Variants in ADGRV1 observed in about 807,000 individuals in gnomAD.
ADGRV1 encodes adhesion G protein-coupled receptor V1, also known as G-protein coupled receptor 98.
A neutral mutation model predicts 596.2 loss-of-function variants in ADGRV1; 359 were observed. The ratio of observed to expected loss-of-function variants is 0.60; its 90% CI spans 0.55 to 0.66. The LOEUF is 0.66. Among genes scored for constraint, ADGRV1 ranks in the 30% least tolerant of loss-of-function variants. The pLI, the probability that ADGRV1 is intolerant of heterozygous loss-of-function variation, is 0.00. For synonymous variants in ADGRV1, 2,681 were observed against 2,679.2 expected, an observed-to-expected ratio of 1.00 and a Z score of -0.02; for missense variants, 7,274 against 7,575.6, an observed-to-expected ratio of 0.96 and a Z score of 1.48.
intron 83 of ADGRV1, among the ~76,000 whole-genome samples, chr5:90,957,137 T>G (rs1777552765): frequency 6.6e-6 from 1 of 152,148 alleles, no homozygotes; most frequent in Non-Finnish European, 1.5e-5. Context: ...CTAAGCATAA[T>G]TAAGCAGGAA....
chr5:90,728,852 C>T lies in ADGRV1; in HGVS notation c.10345C>T (p.Pro3449Ser). 1 of 1,613,576 alleles carries T rather than the reference C, an allele frequency of 6.2e-7. No homozygotes were observed. ...TGGGTTTATTAACTTTCAAGAGGTG[C>T]CTGTCAGTGGGACAACAGAAGTTGA... The part of the protein sequence containing the change: ...GSGFINFQEV[P>S]VSGTTEVEAL... Residue 3449 changes from proline (P) to serine (S), a missense_variant, in exon 49 of 90, where the codon CCT becomes TCT. This residue lies in a region of ADGRV1 where 3,643 missense variants were observed against 3,809.2 expected (regional missense o/e 0.96). Transcript: ENST00000405460.
At chr5:90,974,147 G>A (rs1382922958) in intron 84 of ADGRV1, among the ~76,000 whole-genome samples, 4 of 152,224 alleles carry the variant, frequency 2.6e-5, no homozygotes, top group Non-Finnish European at 4.4e-5. Context: ...TACAAGGGAC[G>A]TGAAGGACCT....
At chr5:90,656,739 C>T (rs548034851) in intron 20 of ADGRV1, among the ~76,000 whole-genome samples, 10 of 152,090 alleles carry the variant, frequency 6.6e-5, no homozygotes, top group Non-Finnish European at 1.3e-4. Context: ...AGAAATATTG[C>T]TTGTACTTTT....
At position 90,628,810 on chromosome 5, in the gene ADGRV1, C is replaced by T. The variant is rs755092804; in HGVS notation, c.1487C>T (p.Ala496Val). ...CTGCCTCATACAATACGAGGAGGTG[C>T]AGAAGTGAGCGAGCCAGCGGAGGTA... ...QILPHTIRGG[A>V]EVSEPAELLF... The change falls in exon 8 of 90, where the codon GCA becomes GTA. Residue 496 changes from alanine to valine, a missense_variant. This residue lies in a region of ADGRV1 where 1,715 missense variants were observed against 1,708.8 expected (regional missense o/e 1.00). Transcript: ENST00000405460. 1.2e-6 allele frequency: 2 copies of T among 1,613,932 alleles called. No individual in the cohort carries two copies. The highest frequency in any genetic ancestry group is 2.2e-5 in the East Asian group (1 of 44,880).
At chr5:90,930,129 T>TA (rs569783013) in intron 83 of ADGRV1, among the ~76,000 whole-genome samples, 73 of 152,100 alleles carry the variant, frequency 4.8e-4, no homozygotes, top group East Asian at 7.7e-4. Flanking sequence ...AAATCTTTGG[T>TA]AAAAAAAATA....
At chr5:90,806,556 CA>C (rs1761920482) in intron 72 of ADGRV1, among the ~76,000 whole-genome samples, 1 of 152,026 alleles carries the variant, frequency 6.6e-6, no homozygotes, top group African/African-American at 2.4e-5. Context: ...AGGGTGTTTG[CA>C]AAAATTTTTT....
chr5:90,992,001 CT>C, intron 85 of ADGRV1, among the ~76,000 whole-genome samples: 1 of 152,368 alleles, frequency 6.6e-6, no homozygotes, highest in Admixed American at 6.5e-5. Flanking sequence ...GGATATATTA[CT>C]GCCTGTGGGT....
At chr5:90,595,709 G>C (rs1390871779) in intron 1 of ADGRV1, among the ~76,000 whole-genome samples, 1 of 131,304 alleles carries the variant, frequency 7.6e-6, no homozygotes, top group Non-Finnish European at 1.6e-5. Flanking sequence ...CCAGGCAGAG[G>C]GGCTCCTCAC....
chr5:90,615,821 G>A (rs565573420), intron 2 of ADGRV1, among the ~76,000 whole-genome samples: 1 of 151,836 alleles, frequency 6.6e-6, no homozygotes, highest in African/African-American at 2.4e-5. Flanking sequence ...ATAAAATTTT[G>A]ATTGAATCCT....
intron 52 of ADGRV1, among the ~76,000 whole-genome samples, chr5:90,747,261 CAAG>C (rs1191548706): frequency 2.6e-5 from 4 of 152,022 alleles, no homozygotes; most frequent in Non-Finnish European, 5.9e-5. Flanking sequence ...TCTGGAGCAA[CAAG>C]GAGGCCACTG....
chr5:90,591,866 T>C (rs168743), intron 1 of ADGRV1, among the ~76,000 whole-genome samples: 53,464 of 152,052 alleles, frequency 0.35, 11,029 homozygotes, highest in African/African-American at 0.58. Context: ...ATTATTTCAG[T>C]GAATCCTCAC....
At chr5:90,931,089 G>GA (rs1775208105) in intron 83 of ADGRV1, 2 of 152,224 alleles carry the variant, frequency 1.3e-5, no homozygotes, top group African/African-American at 2.4e-5. Context: ...AAGAGAGAGA[G>GA]GAGGGAGAAG....
intron 85 of ADGRV1, among the ~76,000 whole-genome samples, chr5:91,012,986 CT>C (rs1782848969): frequency 6.6e-6 from 1 of 152,008 alleles, no homozygotes; most frequent in Non-Finnish European, 1.5e-5. Context: ...TTGGTTTTCT[CT>C]TCTTGCGTTA....
Position 90,653,189 on chromosome 5 carries a change from C to G in ADGRV1, c.3635-20C>G. 5.1e-6 allele frequency: 8 copies of G among 1,566,554 alleles called. No homozygotes were observed. The highest frequency in any genetic ancestry group is 6.9e-6 in the Non-Finnish European group (8 of 1,156,338). ...GTACTTGAAATTCTAGTTTCTCACTCATAAATTTTCTTGTTACAGGTGGAT... is the reference window on the plus strand; with the variant it reads ...GTACTTGAAATTCTAGTTTCTCACTGATAAATTTTCTTGTTACAGGTGGAT... On this transcript the variant is annotated intron_variant, in intron 19 of 89. Coordinates refer to ENST00000405460, the MANE Select transcript of ADGRV1 (RefSeq NM_032119.4).
At chr5:90,882,543 T>G (rs1021472250) in intron 83 of ADGRV1, among the ~76,000 whole-genome samples, 11 of 152,346 alleles carry the variant, frequency 7.2e-5, no homozygotes, top group African/African-American at 2.4e-4. Context: ...TACTTTTCTC[T>G]GTGATAATTC....
intron 82 of ADGRV1, among the ~76,000 whole-genome samples, chr5:90,861,530 C>T (rs960737407): frequency 3.1e-4 from 47 of 151,404 alleles, no homozygotes; most frequent in African/African-American, 9.2e-4. Context: ...AGGATGGTCT[C>T]GATCTCCTGA....
chr5:90,684,552 A>G (rs1231577674), intron 28 of ADGRV1, among the ~76,000 whole-genome samples: 1 of 152,054 alleles, frequency 6.6e-6, no homozygotes, highest in Non-Finnish European at 1.5e-5. Context: ...AACAACAGAC[A>G]TTTTTCCTCA....
intron 21 of ADGRV1, among the ~76,000 whole-genome samples, chr5:90,667,893 T>C (rs10035996): frequency 0.029 from 4,356 of 150,894 alleles, 189 homozygotes; most frequent in African/African-American, 0.1. Flanking sequence ...TGTGCCCCTG[T>C]TGGGGGGTGC....
chr5:90,888,761 T>C (rs1356989465), intron 83 of ADGRV1, among the ~76,000 whole-genome samples: 1 of 152,124 alleles, frequency 6.6e-6, no homozygotes, highest in Non-Finnish European at 1.5e-5. Context: ...AAATATTGAG[T>C]AACAACTGTT....
Sources: gnomAD v4.1 joint callset for allele counts (sites outside exome capture counted in the v4.1 genomes callset) on GRCh38, gnomAD v4.1.1 for gene constraint, gnomAD v4.1.1 regional missense constraint, MANE v1.5 for transcripts, NCBI Gene and HGNC (gene_info 2026-07-23, HGNC 2026-07-21) for gene names.